Variants in PCDH19 observed in about 807,000 individuals in gnomAD.
The protein encoded by PCDH19 is protocadherin 19, also known as protocadherin-19.
In PCDH19, 6 loss-of-function variants were observed where a neutral mutation model predicts 46.2. That is an observed-to-expected ratio of 0.13 (90% confidence interval 0.07 to 0.26). PCDH19 has a LOEUF of 0.26. PCDH19 is among the 10% of genes least tolerant of loss of function. PCDH19 has a pLI of 1.00. For synonymous variants in PCDH19, 481 were observed against 415.7 expected (o/e 1.16, Z -1.91); for missense variants, 740 against 972.3 (o/e 0.76, Z 3.18).
At chrX:100,400,401 A>G (rs1928143625) in intron 3 of PCDH19, among the ~76,000 whole-genome samples, 1 of 112,168 alleles carries the variant, frequency 8.9e-6, no homozygotes, top group African/African-American at 3.2e-5. Flanking sequence ...ACAACTTTGC[A>G]TGACAGGTGT....
At chrX:100,348,600 C>CT (rs988930199) in intron 4 of PCDH19, among the ~76,000 whole-genome samples, 1 of 111,649 alleles carries the variant, frequency 9.0e-6, no homozygotes, top group Non-Finnish European at 1.9e-5. Flanking sequence ...AAAAAGCTAT[C>CT]TTTGATTTCA....
At position 100,292,886 on chromosome X, in the gene PCDH19, T is replaced by C. The variant is rs1474329080; in HGVS notation, c.*3391A>G. The C allele has an allele frequency of 9.0e-6, 1 of 111,525 alleles. No individual in the cohort carries two copies. Among genetic ancestry groups the C allele is most frequent in the East Asian group, 2.8e-4 (1 of 3,525 alleles). The allele number at this position is 111,525 out of a possible 1,213,427, so 9.2% of individuals were successfully genotyped here. On this transcript the variant is annotated 3_prime_UTR_variant, in exon 6 of 6. Coordinates refer to ENST00000373034, the MANE Select transcript of PCDH19 (RefSeq NM_001184880.2). ...GAATGCTTTGGGGGAACATTCAACA[T>C]CAAAATGATCCCCAGAAAGTGGATT...
chrX:100,316,968 C>T (rs1157191331), intron 5 of PCDH19, among the ~76,000 whole-genome samples: 1 of 111,766 alleles, frequency 8.9e-6, no homozygotes, highest in African/African-American at 3.3e-5. Flanking sequence ...CTACTTTGTC[C>T]AATGTCTTCC....
chrX:100,371,884 C>CACACACA (rs1555981142), intron 3 of PCDH19, among the ~76,000 whole-genome samples: 201 of 89,045 alleles, frequency 2.3e-3, no homozygotes, highest in Middle Eastern at 5.7e-3. Flanking sequence ...ACACACACAC[C>CACACACA]CACACAAAAC....
In PCDH19 at chrX:100,409,931, G is replaced by C; in HGVS notation, c.-1334C>G. 3.1e-6 allele frequency: 1 copy of C among 320,054 alleles called. No individual in the cohort carries two copies. The highest frequency in any genetic ancestry group is 6.0e-5 in the Admixed American group (1 of 16,581). 26.4% of individuals were successfully genotyped at this position (320,054 alleles called of 1,213,427 possible). A position where few individuals can be genotyped will look rare whatever the true frequency, so the allele number is the denominator to read the frequency against. ...CTCGCGCACTCGGGAGGTCTGTCTC[G>C]CTTTCTCTGTCTGTCTCGGGCTGTG... On this transcript the variant is annotated 5_prime_UTR_variant, in exon 1 of 6. Transcript: ENST00000373034.
At chrX:100,335,030 A>G (rs1239600400) in intron 5 of PCDH19, among the ~76,000 whole-genome samples, 1 of 111,417 alleles carries the variant, frequency 9.0e-6, no homozygotes, top group Non-Finnish European at 1.9e-5. Flanking sequence ...CAATTATTTG[A>G]CCAAAGGGCC....
chrX:100,324,461 C>A (rs1191606533), intron 5 of PCDH19, among the ~76,000 whole-genome samples: 1 of 111,959 alleles, frequency 8.9e-6, no homozygotes, highest in East Asian at 2.8e-4. Flanking sequence ...GATCCATTGG[C>A]AAATGGCTGT....
At chrX:100,345,092 T>C (rs1323677640) in intron 4 of PCDH19, among the ~76,000 whole-genome samples, 1 of 110,702 alleles carries the variant, frequency 9.0e-6, no homozygotes, top group Non-Finnish European at 1.9e-5. Context: ...ATCTGTAAAA[T>C]GTGTTTGCTA....
At chrX:100,367,919 G>A (rs915211551) in intron 3 of PCDH19, among the ~76,000 whole-genome samples, 2 of 111,032 alleles carry the variant, frequency 1.8e-5, no homozygotes, top group South Asian at 3.9e-4. Flanking sequence ...TATTTGGTTT[G>A]GGGGAAGAGT....
chrX:100,351,638 C>T lies in PCDH19; in HGVS notation c.2617-934G>A, dbSNP rs149989605. Among the ~76,000 whole-genome samples, 242 of 112,234 alleles carry T rather than the reference C, an allele frequency of 2.2e-3. 5 individuals are homozygous for T. The highest frequency in any genetic ancestry group is 7.3e-3 in the African/African-American group (227 of 30,925). On this transcript the variant is annotated intron_variant, in intron 3 of 5. Coordinates refer to ENST00000373034, the MANE Select transcript of PCDH19 (RefSeq NM_001184880.2). Reference sequence around the variant, plus strand: ...AGAAACTACCCAAACACATCTCCCCCACCCTCTTGCCATCCCACTAGAAAT... The same window carrying T: ...AGAAACTACCCAAACACATCTCCCCTACCCTCTTGCCATCCCACTAGAAAT...
intron 5 of PCDH19, among the ~76,000 whole-genome samples, chrX:100,313,063 A>ACCATCC (rs1925181695): frequency 1.8e-5 from 2 of 111,594 alleles, no homozygotes; most frequent in Non-Finnish European, 3.8e-5. Context: ...ATGCATTTTC[A>ACCATCC]TTCACAAATT....
chrX:100,359,795 GTGTGTGTGTGTGTGTA>G (rs1459707262), intron 3 of PCDH19, among the ~76,000 whole-genome samples: 6 of 82,092 alleles, frequency 7.3e-5, no homozygotes, highest in Non-Finnish European at 9.9e-5. Flanking sequence ...ATATAAGAGT[GTGTGTGTGTGTGTGTA>G]TGTGTGTGTG....
chrX:100,331,992 GC>G (rs763874886), intron 5 of PCDH19, among the ~76,000 whole-genome samples: 11 of 110,428 alleles, frequency 1.0e-4, no homozygotes, highest in Non-Finnish European at 2.1e-4. Flanking sequence ...AATTAAAAAG[GC>G]TTTCTTGTCA....
chrX:100,354,906 G>C (rs1248279936), intron 3 of PCDH19, among the ~76,000 whole-genome samples: 1 of 109,729 alleles, frequency 9.1e-6, no homozygotes, highest in Non-Finnish European at 1.9e-5. Flanking sequence ...AAAGAGATAA[G>C]AACAACATTT....
intron 5 of PCDH19, among the ~76,000 whole-genome samples, chrX:100,334,775 T>TGTGTATAGTGTGTGTGTGC (rs1397436762): frequency 9.2e-6 from 1 of 109,123 alleles, no homozygotes; most frequent in Non-Finnish European, 1.9e-5. Flanking sequence ...TGTGTGTGTG[T>TGTGTATAGTGTGTGTGTGC]GTATAGTGTG....
chrX:100,396,861 G>A (rs182349936), intron 3 of PCDH19, among the ~76,000 whole-genome samples: 17 of 111,956 alleles, frequency 1.5e-4, no homozygotes, highest in Admixed American at 3.8e-4. Flanking sequence ...GAAGAAAACT[G>A]AAATGAGAAT....
At chrX:100,331,665 G>A (rs1414250348) in intron 5 of PCDH19, among the ~76,000 whole-genome samples, 2 of 111,615 alleles carry the variant, frequency 1.8e-5, no homozygotes, top group Non-Finnish European at 3.8e-5. Flanking sequence ...CATGGGGACG[G>A]TTTCCCCTAT....
chrX:100,329,886 T>C (rs1293270849), intron 5 of PCDH19, among the ~76,000 whole-genome samples: 1 of 111,961 alleles, frequency 8.9e-6, no homozygotes, highest in East Asian at 2.8e-4. Context: ...CACTCCAGCC[T>C]GGGCGACACA....
At chrX:100,348,913 TTTTA>T (rs1459451679) in intron 4 of PCDH19, among the ~76,000 whole-genome samples, 4 of 107,763 alleles carry the variant, frequency 3.7e-5, no homozygotes, top group Non-Finnish European at 5.8e-5. Flanking sequence ...GGTTTTTTTA[TTTTA>T]TTTATTTATT....
Sources: gnomAD v4.1 joint callset for allele counts (sites outside exome capture counted in the v4.1 genomes callset) on GRCh38, gnomAD v4.1.1 for gene constraint, MANE v1.5 for transcripts, NCBI Gene and HGNC (gene_info 2026-07-23, HGNC 2026-07-21) for gene names.